The following PLXNA4 variants were observed in gnomAD, a reference collection of about 807,000 sequenced individuals.
The protein encoded by PLXNA4 is plexin A4.
A neutral mutation model predicts 191.8 loss-of-function variants in PLXNA4; 44 were observed. The ratio of observed to expected loss-of-function variants is 0.23; its 90% CI spans 0.18 to 0.29. The LOEUF is 0.29. Among genes scored for constraint, PLXNA4 ranks in the 10% least tolerant of loss-of-function variants. The pLI is 1.00. For synonymous variants in PLXNA4, 1,082 were observed against 1,009.5 expected (o/e 1.07, Z -1.36); for missense variants, 1,800 against 2,488.8 (o/e 0.72, Z 5.89).
rs369085098 is a variant in PLXNA4, at chr7:132,210,674, C to T, written c.2298+269G>A. 1.6e-3 allele frequency among the ~76,000 whole-genome samples: 243 copies of T among 152,306 alleles called. 10 individuals carry two copies. In the South Asian group the frequency reaches 0.044, roughly 28 times the overall value. On this transcript the variant is annotated intron_variant, in intron 10 of 31. Transcript: ENST00000321063. ...CACAGCTCCACGGCTGGTCCAATATCCCTTCTAATCCTGTCTTACACGGAC... is the reference window on the plus strand; with the variant it reads ...CACAGCTCCACGGCTGGTCCAATATTCCTTCTAATCCTGTCTTACACGGAC...
Position 132,467,756 on chromosome 7 carries a change from G to C in PLXNA4, c.1371+21536C>G, listed in dbSNP as rs143260833. Among the ~76,000 whole-genome samples the C allele has an allele frequency of 7.2e-5, 11 of 152,262 alleles. No individual in the cohort carries two copies. The East Asian group carries it at 2.1e-3, about 29-fold the overall frequency. On this transcript the variant is annotated intron_variant, in intron 3 of 31. Coordinates refer to ENST00000321063, the MANE Select transcript of PLXNA4 (RefSeq NM_020911.2). ...AGGTGGTATGGGAGTAAGTTGTTTC[G>C]GTCTTTCTAATACTTCAAATAACCT...
At chr7:132,620,159 T>G (rs930770332) in intron 2 of PLXNA4, among the ~76,000 whole-genome samples, 3 of 152,190 alleles carry the variant, frequency 2.0e-5, no homozygotes, top group Admixed American at 2.0e-4. Context: ...CAGGGTCACA[T>G]GATCACCTAC....
At chr7:132,203,103 C>T (rs997305034) in intron 11 of PLXNA4, among the ~76,000 whole-genome samples, 1 of 152,188 alleles carries the variant, frequency 6.6e-6, no homozygotes, top group African/African-American at 2.4e-5. Flanking sequence ...CACCTCCTAC[C>T]AGAAGCCCTC....
Position 132,174,824 on chromosome 7 carries a change from A to G in PLXNA4, c.3971T>C (p.Val1324Ala). The G allele has an allele frequency of 6.2e-7, 1 of 1,614,044 alleles. No individual in the cohort carries two copies. The highest frequency in any genetic ancestry group is 8.5e-7 in the Non-Finnish European group (1 of 1,179,936). The stretch of plus-strand genomic sequence containing the variant: ...GTGGTCTTCAATTCCTGGGAACAGC[A>G]CCCGCATGGTGTAAGTTCTATAGTC... Reference protein sequence around the residue: ...FLDYRTYTMRVLFPGIEDHPV... With the variant: ...FLDYRTYTMRALFPGIEDHPV... Residue 1324 changes from valine to alanine, a missense_variant, in exon 21 of 32, where the codon GTG (valine) becomes GCG (alanine). Physicochemically the swap from Val to Ala is moderately conservative, Grantham distance 64. Around this residue, in one of 6 missense-constraint regions of PLXNA4, gnomAD observed 1,397 missense variants for 1,880.4 expected, o/e 0.74. Transcript: ENST00000321063.
chr7:132,445,157 GAA>G (rs71529762), intron 3 of PLXNA4, among the ~76,000 whole-genome samples: 5,054 of 53,542 alleles, frequency 0.094, 364 homozygotes, highest in African/African-American at 0.28. Context: ...TCCATCTCAG[GAA>G]AAAAAAAAAA....
chr7:132,375,870 C>T (rs1433228142), intron 3 of PLXNA4, among the ~76,000 whole-genome samples: 15 of 152,058 alleles, frequency 9.9e-5, no homozygotes, highest in Admixed American at 9.8e-4. Flanking sequence ...TGAGGGAGAG[C>T]TTATGTGGAA....
intron 3 of PLXNA4, among the ~76,000 whole-genome samples, chr7:132,313,209 T>C (rs17166328): frequency 0.27 from 40,694 of 152,112 alleles, 6,129 homozygotes; most frequent in African/African-American, 0.39. Context: ...AAGTCTTATT[T>C]ATGAAATGCA....
chr7:132,596,421 C>T (rs1030997384), intron 2 of PLXNA4, among the ~76,000 whole-genome samples: 3 of 152,208 alleles, frequency 2.0e-5, no homozygotes, highest in African/African-American at 7.2e-5. Context: ...CCTGCCAAGC[C>T]ACAGCCCCAG....
chr7:132,455,973 G>A (rs926635996), intron 3 of PLXNA4, among the ~76,000 whole-genome samples: 8 of 152,208 alleles, frequency 5.3e-5, no homozygotes, highest in East Asian at 1.9e-4. Context: ...CAGGATGGAC[G>A]AGAGAAGGTG....
At chr7:132,569,566 A>C (rs543214147) in intron 1 of PLXNA4, among the ~76,000 whole-genome samples, 1 of 152,372 alleles carries the variant, frequency 6.6e-6, no homozygotes, top group East Asian at 1.9e-4. Flanking sequence ...TTAATCACCG[A>C]TCTAGACTAA....
intron 3 of PLXNA4, among the ~76,000 whole-genome samples, chr7:132,298,780 G>C (rs1284227986): frequency 6.6e-6 from 1 of 152,208 alleles, no homozygotes; most frequent in Non-Finnish European, 1.5e-5. Context: ...TATACCATTA[G>C]GTCCTGAAAC....
intron 2 of PLXNA4, among the ~76,000 whole-genome samples, chr7:132,602,418 C>T (rs1336891828): frequency 6.6e-6 from 1 of 152,188 alleles, no homozygotes; most frequent in African/African-American, 2.4e-5. Context: ...ACCATGTTGC[C>T]TCTGTCTACC....
intron 3 of PLXNA4, among the ~76,000 whole-genome samples, chr7:132,449,590 T>C (rs1376224626): frequency 6.6e-6 from 1 of 152,214 alleles, no homozygotes; most frequent in Admixed American, 6.5e-5. Flanking sequence ...AGGTACCTTA[T>C]TTAGAAACCT....
At chr7:132,598,067 C>T (rs1204120819) in intron 2 of PLXNA4, among the ~76,000 whole-genome samples, 1 of 152,082 alleles carries the variant, frequency 6.6e-6, no homozygotes, top group Admixed American at 6.6e-5. Flanking sequence ...CTAACTTGTG[C>T]TATGTTGCCC....
At chr7:132,475,380 G>A (rs896062802) in intron 3 of PLXNA4, among the ~76,000 whole-genome samples, 5 of 152,126 alleles carry the variant, frequency 3.3e-5, no homozygotes, top group Admixed American at 2.6e-4. Flanking sequence ...AGTTTTAGTG[G>A]GAAATGAGGA....
At chr7:132,575,094 T>G (rs371747676) in intron 1 of PLXNA4, among the ~76,000 whole-genome samples, 2 of 152,306 alleles carry the variant, frequency 1.3e-5, no homozygotes, top group East Asian at 3.9e-4. Flanking sequence ...CTTGTACATA[T>G]ATATTCAATT....
At chr7:132,333,976 C>T (rs1802704311) in intron 3 of PLXNA4, among the ~76,000 whole-genome samples, 1 of 152,142 alleles carries the variant, frequency 6.6e-6, no homozygotes, top group Non-Finnish European at 1.5e-5. Flanking sequence ...GTCCTTTGAA[C>T]AAAGCAGCAT....
At chr7:132,574,972 T>C (rs1260435448) in intron 1 of PLXNA4, among the ~76,000 whole-genome samples, 1 of 152,218 alleles carries the variant, frequency 6.6e-6, no homozygotes, top group Non-Finnish European at 1.5e-5. Context: ...TGGGATACTC[T>C]GAACACATGA....
At chr7:132,557,410 T>A (rs1396918887) in intron 1 of PLXNA4, among the ~76,000 whole-genome samples, 1 of 152,042 alleles carries the variant, frequency 6.6e-6, no homozygotes, top group Non-Finnish European at 1.5e-5. Flanking sequence ...TATCAAAACC[T>A]ACAACTTAAG....
Sources: allele counts gnomAD v4.1 joint callset (sites outside exome capture counted in the v4.1 genomes callset), GRCh38; gene constraint gnomAD v4.1.1; regional missense constraint gnomAD v4.1.1; transcripts MANE v1.5; gene names NCBI Gene and HGNC (gene_info 2026-07-23, HGNC 2026-07-21).